TMTC1: variants seen among roughly 807,000 people sequenced by gnomAD.
TMTC1 encodes protein O-mannosyl-transferase TMTC1.
In TMTC1, 73 loss-of-function variants were observed where a neutral mutation model predicts 104.8. The ratio of observed to expected loss-of-function variants is 0.70; its 90% CI spans 0.58 to 0.85. The LOEUF (loss-of-function observed/expected upper bound fraction) is 0.85, where lower values mean the gene tolerates loss of function less well. Among genes scored for constraint, TMTC1 ranks in the 40% least tolerant of loss-of-function variants. The probability of loss-of-function intolerance (pLI) is 0.00; values close to 1 mark genes in which losing one functional copy is unlikely to be tolerated. For synonymous variants in TMTC1, 434 were observed against 428.7 expected (o/e 1.01, Z -0.15); for missense variants, 1,035 against 1,096.1 (o/e 0.94, Z 0.79).
intron 5 of TMTC1, among the ~76,000 whole-genome samples, chr12:29,653,246 T>C (rs979776380): frequency 2.6e-5 from 4 of 151,872 alleles, no homozygotes; most frequent in African/African-American, 9.7e-5. Flanking sequence ...GAGTAAACTG[T>C]GAGGACAGAG....
chr12:29,741,302 A>G (rs1421045434), intron 5 of TMTC1, among the ~76,000 whole-genome samples: 2 of 152,218 alleles, frequency 1.3e-5, no homozygotes, highest in Non-Finnish European at 2.9e-5. Flanking sequence ...AGAGTCTCTC[A>G]TTATGGTATC....
chr12:29,550,558 G>C lies in TMTC1; in HGVS notation c.1676+6299C>G, dbSNP rs12826210. Among the ~76,000 whole-genome samples, 1,435 of 152,098 alleles carry C rather than the reference G, an allele frequency of 9.4e-3. 16 individuals are homozygous for C. The highest frequency in any genetic ancestry group is 0.037 in the South Asian group (180 of 4,816). On this transcript the variant is annotated intron_variant, in intron 10 of 17. Coordinates refer to ENST00000539277, the MANE Select transcript of TMTC1 (RefSeq NM_001193451.2). The stretch of plus-strand genomic sequence containing the variant: ...TGGGGAAAAGGGAAGGGAGGACAGA[G>C]GTAAGAGTTTAAGCTCAAAGAGGAG...
intron 5 of TMTC1, among the ~76,000 whole-genome samples, chr12:29,747,556 A>G (rs763619079): frequency 2.6e-5 from 4 of 152,168 alleles, no homozygotes; most frequent in Non-Finnish European, 5.9e-5. Context: ...CCTCACACCA[A>G]TGCATCCCAT....
chr12:29,724,600 G>A (rs1010904176), intron 5 of TMTC1, among the ~76,000 whole-genome samples: 2 of 152,142 alleles, frequency 1.3e-5, no homozygotes, highest in South Asian at 2.1e-4. Flanking sequence ...GAATTTAGAC[G>A]CCAGCAATAA....
At chr12:29,743,181 G>A (rs576200326) in intron 5 of TMTC1, among the ~76,000 whole-genome samples, 10 of 152,292 alleles carry the variant, frequency 6.6e-5, no homozygotes, top group African/African-American at 2.4e-4. Flanking sequence ...GACACAGAGC[G>A]TGTAAGCAAT....
At chr12:29,577,718 G>A (rs1945863281) in intron 8 of TMTC1, among the ~76,000 whole-genome samples, 2 of 152,034 alleles carry the variant, frequency 1.3e-5, no homozygotes, top group Middle Eastern at 3.2e-3. Context: ...AGTTCTTTTC[G>A]GGGGTGGGTG....
intron 9 of TMTC1, among the ~76,000 whole-genome samples, chr12:29,562,361 T>G (rs1945398045): frequency 6.6e-6 from 1 of 152,174 alleles, no homozygotes; most frequent in Non-Finnish European, 1.5e-5. Flanking sequence ...GCAGAAGGGC[T>G]CCTCCCAGTC....
chr12:29,760,814 A>G lies in TMTC1; in HGVS notation c.481-2037T>C, dbSNP rs1943327197. Among the ~76,000 whole-genome samples the G allele has an allele frequency of 1.3e-5, 2 of 150,120 alleles. 1 individual carries two copies. On this transcript the variant is annotated intron_variant, in intron 2 of 17. Transcript: ENST00000539277. The stretch of plus-strand genomic sequence containing the variant: ...AATTTATTCTAATGTATATTATACC[A>G]TGATTCATAATTATATAACTCATTA...
At chr12:29,647,088 T>C (rs1009417779) in intron 5 of TMTC1, among the ~76,000 whole-genome samples, 1 of 152,190 alleles carries the variant, frequency 6.6e-6, no homozygotes, top group Non-Finnish European at 1.5e-5. Flanking sequence ...AGTGGCGCAA[T>C]CTCGGCTCAC....
Position 29,751,792 on chromosome 12 carries a change from C to T in TMTC1, c.812G>A (p.Arg271Gln), listed in dbSNP as rs752523280. Reference protein sequence around the residue: ...QPSSLPGHPHRENGKQQRFPH... With the variant: ...QPSSLPGHPHQENGKQQRFPH... ...GAACCGCTGCTGCTTCCCATTCTCC[C>T]GGTGAGGATGGCCTGGCAGTGAGGA... Residue 271 changes from arginine (R) to glutamine (Q), a missense_variant, in exon 5 of 18, where the codon CGG becomes CAG. Transcript: ENST00000539277. 17 of 1,613,204 alleles carry T rather than the reference C, an allele frequency of 1.1e-5. No homozygotes were observed. The highest frequency in any genetic ancestry group is 2.2e-5 in the East Asian group (1 of 44,818).
intron 5 of TMTC1, chr12:29,660,028 C>G (rs1398916902): frequency 6.9e-7 from 1 of 1,446,592 alleles, no homozygotes. Flanking sequence ...CCAATAATCT[C>G]CACCCTTTTT....
At chr12:29,666,116 G>A (rs574735333) in intron 5 of TMTC1, 3 of 411,556 alleles carry the variant, frequency 7.3e-6, no homozygotes, top group Admixed American at 6.6e-5. Context: ...GCTTTAACAA[G>A]TGTTATTTGA....
At chr12:29,543,022 T>A (rs1944845166) in intron 10 of TMTC1, among the ~76,000 whole-genome samples, 1 of 152,158 alleles carries the variant, frequency 6.6e-6, no homozygotes, top group African/African-American at 2.4e-5. Context: ...CCCGGGAGCT[T>A]CCAAAAGGCT....
chr12:29,553,714 C>T (rs944606955), intron 10 of TMTC1, among the ~76,000 whole-genome samples: 1 of 152,166 alleles, frequency 6.6e-6, no homozygotes, highest in Non-Finnish European at 1.5e-5. Flanking sequence ...CCAATAACTC[C>T]TCTTACTGTG....
chr12:29,616,026 A>G (rs1037961159), intron 6 of TMTC1, among the ~76,000 whole-genome samples: 3 of 152,224 alleles, frequency 2.0e-5, no homozygotes, highest in Non-Finnish European at 4.4e-5. Context: ...CCAAATTCAA[A>G]TAAGTTTGAG....
chr12:29,691,099 G>C (rs574344202), intron 5 of TMTC1, among the ~76,000 whole-genome samples: 1 of 152,206 alleles, frequency 6.6e-6, no homozygotes, highest in Non-Finnish European at 1.5e-5. Flanking sequence ...TAACAGATCA[G>C]CTACAAGATT....
intron 5 of TMTC1, among the ~76,000 whole-genome samples, chr12:29,633,862 T>A (rs1355755387): frequency 6.6e-6 from 1 of 152,196 alleles, no homozygotes; most frequent in Non-Finnish European, 1.5e-5. Flanking sequence ...GGACAATGGA[T>A]GGAGGAGGTG....
At chr12:29,726,864 C>A (rs760084748) in intron 5 of TMTC1, among the ~76,000 whole-genome samples, 20 of 152,044 alleles carry the variant, frequency 1.3e-4, no homozygotes, top group Non-Finnish European at 2.5e-4. Flanking sequence ...AAAAGATTAT[C>A]CCTTCCAAAT....
chr12:29,519,909 GC>G (rs1944100641), intron 12 of TMTC1: 1 of 152,198 alleles, frequency 6.6e-6, no homozygotes, highest in Non-Finnish European at 1.5e-5. Flanking sequence ...ACCCCTTTAA[GC>G]ATTTCATATT....
Sources: allele counts gnomAD v4.1 joint callset (sites outside exome capture counted in the v4.1 genomes callset), GRCh38; gene constraint gnomAD v4.1.1; transcripts MANE v1.5; gene names NCBI Gene and HGNC (gene_info 2026-07-23, HGNC 2026-07-21).